Variants in YIPF5 observed in about 807,000 individuals in gnomAD.
YIPF5 encodes the protein protein YIPF5.
Under a neutral mutation model 30.4 loss-of-function variants are expected in YIPF5, and 8 were observed. The observed-to-expected ratio is 0.26, with a 90% CI of 0.15 to 0.47. The LOEUF (loss-of-function observed/expected upper bound fraction) is 0.47, where lower values mean the gene tolerates loss of function less well. Ranked by LOEUF, YIPF5 falls within the 20% of genes least tolerant of loss-of-function variation. The pLI is 0.99. For missense variants in YIPF5, 282 were observed against 301.8 expected (o/e 0.93, Z 0.49); for synonymous variants, 104 against 107.9 (o/e 0.96, Z 0.23).
intron 1 of YIPF5, 158 bp downstream of exon 1, chr5:144,170,377 G>A (rs1222767764): frequency 6.0e-5 from 12 of 199,782 alleles, no homozygotes; most frequent in Non-Finnish European, 4.1e-5. Context: ...CTGGAAGGTC[G>A]CGCCTGAGGT....
In YIPF5 at chr5:144,165,622, T is replaced by G; in HGVS notation, c.111-18A>C. On this transcript the variant is annotated intron_variant, in intron 2 of 5. Coordinates refer to ENST00000274496, the MANE Select transcript of YIPF5 (RefSeq NM_030799.9). The stretch of plus-strand genomic sequence containing the variant: ...CATACTGTCTATAAATGAAAGAAAG[T>G]TAAATTTTTCAGAGGTATTTCAACT... The G allele has an allele frequency of 6.2e-7, 1 of 1,612,622 alleles. No homozygotes were observed. Among genetic ancestry groups the G allele is most frequent in the Non-Finnish European group, 8.5e-7 (1 of 1,178,862 alleles).
intron 4 of YIPF5, chr5:144,163,771 TA>T (rs10712448): frequency 0.45 from 71,341 of 158,162 alleles, 16,187 homozygotes; most frequent in African/African-American, 0.61. Context: ...ATGCTGTCAT[TA>T]AAAAAAAAAA....
intron 2 of YIPF5, 104 bp downstream of exon 2, chr5:144,169,742 G>C: frequency 1.1e-6 from 1 of 920,256 alleles, no homozygotes; most frequent in Non-Finnish European, 1.7e-6. Flanking sequence ...TCATACTCCT[G>C]ATAAAGGACA....
At chr5:144,165,161 T>C (rs1480432295) in intron 3 of YIPF5, among the ~76,000 whole-genome samples, 2 of 152,190 alleles carry the variant, frequency 1.3e-5, no homozygotes, top group Admixed American at 6.5e-5. Context: ...CTTTTCCCAC[T>C]AGCAGAATTT....
intron 2 of YIPF5, among the ~76,000 whole-genome samples, chr5:144,166,574 G>A (rs559972851): frequency 6.6e-6 from 1 of 152,156 alleles, no homozygotes; most frequent in Admixed American, 6.5e-5. Context: ...TTTTCCTTGG[G>A]GTGAGGCTCT....
intron 3 of YIPF5, among the ~76,000 whole-genome samples, 155 bp downstream of exon 3, chr5:144,165,277 C>T (rs747918819): frequency 3.9e-5 from 6 of 152,104 alleles, no homozygotes; most frequent in African/African-American, 1.2e-4. Context: ...AATGTGGTTT[C>T]GCATATACTC....
intron 5 of YIPF5, 58 bp downstream of exon 5, chr5:144,162,160 G>T (rs140066049): frequency 6.5e-7 from 1 of 1,532,580 alleles, no homozygotes; most frequent in Non-Finnish European, 8.9e-7. Context: ...TGAAGATGAG[G>T]TGAATCCTAC....
chr5:144,170,241 T>G (rs758363428), intron 1 of YIPF5: 3 of 406,720 alleles, frequency 7.4e-6, no homozygotes, highest in Non-Finnish European at 9.1e-6. Context: ...TGTGGTTCCA[T>G]AAGCGGTCTA....
rs986610993 is a variant in YIPF5, at chr5:144,165,436, T to C, written c.279A>G (p.Leu93=). 1.2e-6 allele frequency: 2 copies of C among 1,614,096 alleles called. No homozygotes were observed. Among genetic ancestry groups the C allele is most frequent in the African/African-American group, 1.3e-5 (1 of 75,044 alleles). The change falls in exon 3 of 6, where the codon TTA becomes TTG. Residue 93 remains leucine, a synonymous_variant. Transcript: ENST00000274496. ...AAGTGTTGCAACAAATCTTACCTTC[T>C]AATAAAGGTGGCTCATCCTCAAAGT... is the stretch of plus-strand genomic sequence containing the variant. ...GNNFEDEPPL[L]EELGINFDHI...
At chr5:144,166,665 T>C (rs1202217373) in intron 2 of YIPF5, among the ~76,000 whole-genome samples, 1 of 152,158 alleles carries the variant, frequency 6.6e-6, no homozygotes, top group African/African-American at 2.4e-5. Context: ...CAAATAAAAA[T>C]GGTCTTCATG....
intron 2 of YIPF5, 152 bp downstream of exon 2, chr5:144,169,694 A>C: frequency 1.5e-6 from 1 of 656,082 alleles, no homozygotes; most frequent in African/African-American, 1.8e-5. Context: ...AGCCAGTGTC[A>C]CATATCTCTC....
chr5:144,161,301 A>ACCTTATTG (rs924902358), intron 5 of YIPF5, among the ~76,000 whole-genome samples: 1 of 148,522 alleles, frequency 6.7e-6, no homozygotes, highest in Non-Finnish European at 1.5e-5. Flanking sequence ...AAGAGGAGGA[A>ACCTTATTG]CCTTATTGGC....
intron 2 of YIPF5, among the ~76,000 whole-genome samples, chr5:144,167,827 T>C (rs1235485181): frequency 6.6e-6 from 1 of 152,226 alleles, no homozygotes; most frequent in African/African-American, 2.4e-5. Context: ...ACCTAGATTT[T>C]CACCAATGGA....
chr5:144,167,853 A>G (rs1368011282), intron 2 of YIPF5, among the ~76,000 whole-genome samples: 1 of 152,220 alleles, frequency 6.6e-6, no homozygotes, highest in East Asian at 1.9e-4. Flanking sequence ...AAAAGTTATT[A>G]GCGGATCTTT....
At chr5:144,162,185 C>T (rs1453646606) in intron 5 of YIPF5, 33 bp downstream of exon 5, 1 of 1,599,918 alleles carries the variant, frequency 6.3e-7, no homozygotes, top group South Asian at 1.1e-5. Flanking sequence ...TAGAATTGGT[C>T]AATCAACCCC....
intron 2 of YIPF5, among the ~76,000 whole-genome samples, chr5:144,166,005 C>G (rs1397779136): frequency 6.6e-6 from 1 of 152,102 alleles, no homozygotes; most frequent in Non-Finnish European, 1.5e-5. Flanking sequence ...CTTAGGATGT[C>G]AGACTTTGTA....
intron 2 of YIPF5, among the ~76,000 whole-genome samples, chr5:144,167,048 C>G (rs1259013692): frequency 6.6e-6 from 1 of 152,106 alleles, no homozygotes; most frequent in Non-Finnish European, 1.5e-5. Flanking sequence ...ATGAAAATAA[C>G]TTTGACTTTA....
Position 144,159,863 on chromosome 5 carries a change from C to T in YIPF5, c.*534G>A, listed in dbSNP as rs1487446374. 20 of 562,070 alleles carry T rather than the reference C, an allele frequency of 3.6e-5. No homozygotes were observed. Among genetic ancestry groups the T allele is most frequent in the South Asian group, 2.3e-4 (3 of 12,896 alleles). 34.8% of individuals were successfully genotyped at this position (562,070 alleles called of 1,614,324 possible). A position where few individuals can be genotyped will look rare whatever the true frequency, so the allele number is the denominator to read the frequency against. On this transcript the variant is annotated 3_prime_UTR_variant, in exon 6 of 6. Transcript: ENST00000274496. ...CTGGGACTACAGGCGCCCGCCACCA[C>T]GCCCAGCTAATTTTTTTTGTAGTTT... is the stretch of plus-strand genomic sequence containing the variant.
chr5:144,160,552 C>T lies in YIPF5; in HGVS notation c.619G>A (p.Val207Ile), dbSNP rs747012459. The change falls in exon 6 of 6, where the codon GTA (valine) becomes ATA (isoleucine). Residue 207 changes from valine to isoleucine, a missense_variant. Val to Ile is a conservative substitution (Grantham distance 29). Transcript: ENST00000274496. ...ATCCCAGCAGTGAGAATGATTCCTA[C>T]CATTCCTCTGTAAACAACAAGGAAA... The part of the protein sequence containing the change: ...FAVIFSLQGM[V>I]GIILTAGIIG... 1.9e-6 allele frequency: 3 copies of T among 1,611,920 alleles called. No individual in the cohort carries two copies. In the East Asian group the frequency reaches 6.7e-5, roughly 36 times the overall value.
Sources: allele counts gnomAD v4.1 joint callset (sites outside exome capture counted in the v4.1 genomes callset), GRCh38; gene constraint gnomAD v4.1.1; transcripts MANE v1.5; gene names NCBI Gene and HGNC (gene_info 2026-07-23, HGNC 2026-07-21).